PIGN: variants seen among roughly 807,000 people sequenced by gnomAD.
PIGN encodes GPI ethanolamine phosphate transferase 1.
Under a neutral mutation model 125.4 loss-of-function variants are expected in PIGN, and 117 were observed. The ratio of observed to expected loss-of-function variants is 0.93; its 90% CI spans 0.80 to 1.09. PIGN has a LOEUF of 1.09. Among genes scored for constraint, PIGN ranks in the 50% least tolerant of loss-of-function variants. PIGN has a pLI of 0.00. For missense variants in PIGN, 1,075 were observed against 1,094.9 expected (o/e 0.98, Z 0.26); for synonymous variants, 392 against 377.8 (o/e 1.04, Z -0.44).
In PIGN at chr18:62,146,970, C is replaced by T; in HGVS notation, c.805+1G>A. 1.2e-6 allele frequency: 2 copies of T among 1,611,050 alleles called. No individual in the cohort carries two copies. Among genetic ancestry groups the T allele is most frequent in the Non-Finnish European group, 1.7e-6 (2 of 1,177,776 alleles). The stretch of plus-strand genomic sequence containing the variant: ...TACATATCAATTAAAGACACACTAA[C>T]CCCAGTCTGTCATTCCATGGTCAGA... On this transcript the variant is annotated splice_donor_variant, in intron 9 of 30. Transcript: ENST00000640252. LOFTEE classifies it high-confidence loss of function.
At chr18:62,050,463 C>T (rs371759793) in intron 30 of PIGN, among the ~76,000 whole-genome samples, 41 of 152,178 alleles carry the variant, frequency 2.7e-4, no homozygotes, top group East Asian at 1.7e-3. Context: ...TTTGAAGCAA[C>T]TGTGAATGGG....
intron 1 of PIGN, among the ~76,000 whole-genome samples, chr18:62,169,961 T>C (rs1387609617): frequency 6.6e-6 from 1 of 152,194 alleles, no homozygotes; most frequent in Non-Finnish European, 1.5e-5. Flanking sequence ...CTAGTTGTTT[T>C]CCAAAATTGT....
At chr18:62,087,632 G>C (rs2033768139) in intron 25 of PIGN, among the ~76,000 whole-genome samples, 1 of 152,168 alleles carries the variant, frequency 6.6e-6, no homozygotes, top group Admixed American at 6.5e-5. Context: ...GAGAAAGAAA[G>C]CAAAACAGAG....
At chr18:62,167,126 A>T (rs1426083093) in intron 1 of PIGN, among the ~76,000 whole-genome samples, 1 of 152,182 alleles carries the variant, frequency 6.6e-6, no homozygotes, top group African/African-American at 2.4e-5. Context: ...AAGCTCCTTA[A>T]GAACACAGAC....
intron 30 of PIGN, among the ~76,000 whole-genome samples, chr18:62,071,251 G>A (rs923612057): frequency 6.6e-6 from 1 of 152,190 alleles, no homozygotes; most frequent in Non-Finnish European, 1.5e-5. Context: ...TCTAAACAGA[G>A]ATGAGAGATT....
At chr18:62,176,731 G>A (rs952187764) in intron 1 of PIGN, among the ~76,000 whole-genome samples, 57 of 152,190 alleles carry the variant, frequency 3.7e-4, no homozygotes, top group Non-Finnish European at 6.6e-4. Context: ...AGGTTAAAGA[G>A]ACTTACCTAA....
chr18:62,114,575 TTC>T lies in PIGN; in HGVS notation c.1235_1236del (p.Arg412LysfsTer3). 1 of 1,517,612 alleles carries T rather than the reference TTC, an allele frequency of 6.6e-7. No homozygotes were observed. The highest frequency in any genetic ancestry group is 1.2e-5 in the South Asian group (1 of 83,424). 94.0% of individuals were successfully genotyped at this position (1,517,612 alleles called of 1,614,324 possible). A position where few individuals can be genotyped will look rare whatever the true frequency, so the allele number is the denominator to read the frequency against. On this transcript the variant is annotated frameshift_variant, in exon 15 of 31. Coordinates refer to ENST00000640252, the MANE Select transcript of PIGN (RefSeq NM_176787.5). LOFTEE classifies it high-confidence loss of function. ...LRKARSYIKH[R>X]KFDEVVSLCK... ...GGTATACTTACCACTTCATCAAACT[TTC>T]TGTGTTTTATATAAGATCTTGCTTT...
intron 30 of PIGN, among the ~76,000 whole-genome samples, chr18:62,067,919 T>C (rs946876448): frequency 2.0e-5 from 3 of 152,174 alleles, no homozygotes; most frequent in East Asian, 1.9e-4. Flanking sequence ...CACTCACGAA[T>C]AGGAAGGCCA....
chr18:62,097,712 C>T (rs2034268937), intron 22 of PIGN, among the ~76,000 whole-genome samples: 1 of 152,142 alleles, frequency 6.6e-6, no homozygotes, highest in Non-Finnish European at 1.5e-5. Context: ...CTAACCCATT[C>T]CTTCTCCAAG....
intron 23 of PIGN, among the ~76,000 whole-genome samples, chr18:62,026,921 G>A (rs555292640): frequency 6.6e-6 from 1 of 152,194 alleles, no homozygotes; most frequent in Non-Finnish European, 1.5e-5. Context: ...CTGACGGGGG[G>A]CCAAGGCGCG....
downstream of PIGN, among the ~76,000 whole-genome samples, chr18:62,038,533 C>T (rs2030292781): frequency 6.6e-6 from 1 of 152,146 alleles, no homozygotes; most frequent in African/African-American, 2.4e-5. Flanking sequence ...AAATTTTTGG[C>T]TCCTGCCAGA....
intron 30 of PIGN, among the ~76,000 whole-genome samples, chr18:62,054,938 T>C (rs1198533193): frequency 6.6e-6 from 1 of 152,106 alleles, no homozygotes; most frequent in African/African-American, 2.4e-5. Flanking sequence ...AGTAAATAAA[T>C]AGATGAAAAA....
At chr18:62,178,008 A>G (rs998678279) in intron 1 of PIGN, among the ~76,000 whole-genome samples, 1 of 152,088 alleles carries the variant, frequency 6.6e-6, no homozygotes, top group Non-Finnish European at 1.5e-5. Flanking sequence ...CTGGGAATGC[A>G]TTACATGTAA....
chr18:62,164,870 T>C (rs1281791519), intron 1 of PIGN, among the ~76,000 whole-genome samples: 1 of 152,030 alleles, frequency 6.6e-6, no homozygotes, highest in Admixed American at 6.6e-5. Flanking sequence ...AAGAAAGAGA[T>C]TATTGTTGAT....
At chr18:62,133,470 T>A (rs554034164) in intron 14 of PIGN, among the ~76,000 whole-genome samples, 1 of 152,332 alleles carries the variant, frequency 6.6e-6, no homozygotes, top group East Asian at 1.9e-4. Context: ...AAGCTATTCT[T>A]GAGAATTTAT....
At chr18:62,104,886 C>A (rs2034578302) in intron 20 of PIGN, among the ~76,000 whole-genome samples, 1 of 152,136 alleles carries the variant, frequency 6.6e-6, no homozygotes, top group Admixed American at 6.6e-5. Flanking sequence ...CACACTCAAA[C>A]AGCCCATAAT....
intron 23 of PIGN, among the ~76,000 whole-genome samples, chr18:62,091,743 T>C (rs2033972042): frequency 6.6e-6 from 1 of 152,190 alleles, no homozygotes; most frequent in Admixed American, 6.5e-5. Context: ...GGGTAAATGT[T>C]CCACCTTCAT....
At chr18:62,100,644 C>T (rs1000555263) in intron 22 of PIGN, among the ~76,000 whole-genome samples, 5 of 152,122 alleles carry the variant, frequency 3.3e-5, no homozygotes, top group African/African-American at 1.2e-4. Context: ...AAATGTCTAA[C>T]TAGCTTTAAA....
chr18:62,134,833 C>G (rs576017699), intron 14 of PIGN, among the ~76,000 whole-genome samples: 8 of 152,314 alleles, frequency 5.3e-5, no homozygotes, highest in African/African-American at 1.9e-4. Context: ...ATATTTGAAG[C>G]ATGCTTTCTT....
Sources: allele counts gnomAD v4.1 joint callset (sites outside exome capture counted in the v4.1 genomes callset), GRCh38; gene constraint gnomAD v4.1.1; transcripts MANE v1.5; gene names NCBI Gene and HGNC (gene_info 2026-07-23, HGNC 2026-07-21).